Variants in ERICH1 observed in about 807,000 individuals in gnomAD.
ERICH1 encodes the protein glutamate rich 1, also known as glutamate-rich protein 1.
Under a neutral mutation model 39.6 loss-of-function variants are expected in ERICH1, and 56 were observed. That is an observed-to-expected ratio of 1.41 (90% CI 1.14 to 1.77). The LOEUF (loss-of-function observed/expected upper bound fraction) is 1.77, where lower values mean the gene tolerates loss of function less well. Ranked by LOEUF, ERICH1 falls within the 40% of genes most tolerant of loss-of-function variation. The pLI is 0.00. For missense variants in ERICH1, 826 were observed against 575.4 expected (o/e 1.44, Z -4.45); for synonymous variants, 313 against 223.6 (o/e 1.40, Z -3.57).
intron 1 of ERICH1, among the ~76,000 whole-genome samples, chr8:723,200 T>C (rs1482572559): frequency 3.3e-5 from 5 of 152,306 alleles, no homozygotes; most frequent in South Asian, 2.1e-4. Context: ...GAGTGGAAGC[T>C]TCCCGACGGG....
chr8:668,417 T>C (rs954826944), intron 5 of ERICH1, 181 bp downstream of exon 5: 3 of 637,168 alleles, frequency 4.7e-6, no homozygotes, highest in Middle Eastern at 2.5e-4. Context: ...ATGTGAAATA[T>C]TTTTATATCA....
rs184037995 is a variant in ERICH1 at position 647,024 on chromosome 8, G to A, written c.976+21574C>T. On this transcript the variant is annotated intron_variant, in intron 3 of 3. Coordinates refer to the ERICH1 transcript ENST00000522706. ...CTCATTTAATCCTTCTCAAAATCCC[G>A]TGAGGGTGAGCATCATCCCAGTGTT... Among the ~76,000 whole-genome samples, 59 of 69,868 alleles carry A rather than the reference G, an allele frequency of 8.4e-4. 18 individuals are homozygous for A. In the East Asian group the frequency reaches 0.011, roughly 13 times the overall value. The allele number at this position is 69,868 out of a possible 152,430, so 45.8% of individuals were successfully genotyped here.
intron 3 of ERICH1, among the ~76,000 whole-genome samples, chr8:677,249 C>T (rs1805057809): frequency 6.6e-6 from 1 of 152,248 alleles, no homozygotes; most frequent in African/African-American, 2.4e-5. Context: ...CACCAGCCTC[C>T]CCTCTTCATT....
chr8:636,115 C>T (rs1798414864), intron 3 of ERICH1, among the ~76,000 whole-genome samples: 1 of 152,236 alleles, frequency 6.6e-6, no homozygotes, highest in African/African-American at 2.4e-5. Context: ...GGAAAACACT[C>T]AGCCTGGGGC....
At chr8:630,140 T>A (rs1385121841) in intron 3 of ERICH1, among the ~76,000 whole-genome samples, 23 of 95,872 alleles carry the variant, frequency 2.4e-4, no homozygotes, top group East Asian at 3.9e-4. Context: ...CAGAGCTGAC[T>A]CACACCCTCC....
intron 1 of ERICH1, among the ~76,000 whole-genome samples, chr8:716,307 C>G (rs1815983853): frequency 1.3e-5 from 2 of 152,264 alleles, no homozygotes; most frequent in Non-Finnish European, 2.9e-5. Context: ...CTGCCTCTGG[C>G]TGCAGGTCCC....
rs1320172062 is a variant in ERICH1 at position 664,623 on chromosome 8, G to T, written c.1312C>A (p.Pro438Thr). The part of the protein sequence containing the change: ...FFSYWITHIL[P>T]EKSSD ...CCATTTTAGTCACTGCTCTTCTCAG[G>T]AAGGATATGTGTGATCCAGTAACTA... Residue 438 changes from proline to threonine, a missense_variant, in exon 6 of 6, where the codon CCT becomes ACT. Transcript: ENST00000262109. The T allele has an allele frequency of 1.2e-6, 2 of 1,611,968 alleles. No individual in the cohort carries two copies. The highest frequency in any genetic ancestry group is 1.7e-5 in the Admixed American group (1 of 59,798).
intron 2 of ERICH1, among the ~76,000 whole-genome samples, chr8:710,503 C>T (rs368233049): frequency 1.3e-5 from 2 of 150,936 alleles, no homozygotes; most frequent in East Asian, 2.0e-4. Context: ...TCGTACGGGG[C>T]GGTTTCACCG....
chr8:688,205 AG>A lies in ERICH1; in HGVS notation c.304+4272del, dbSNP rs568419754. On this transcript the variant is annotated intron_variant, in intron 3 of 5. Transcript: ENST00000262109. Reference sequence around the variant, plus strand: ...GGCGCAGGACACGGCAAGGCCCCTGAGCCGCCCACGCAGGTTTCCCGACGTT... The same window carrying A: ...GGCGCAGGACACGGCAAGGCCCCTGACCGCCCACGCAGGTTTCCCGACGTT... Among the ~76,000 whole-genome samples, 238 of 142,598 alleles carry A rather than the reference AG, an allele frequency of 1.7e-3. 1 individual carries two copies. The highest frequency in any genetic ancestry group is 6.2e-3 in the African/African-American group (229 of 36,908). The allele number at this position is 142,598 out of a possible 152,430, so 93.5% of individuals were successfully genotyped here.
chr8:673,577 T>A lies in ERICH1; in HGVS notation c.775A>T (p.Thr259Ser). Residue 259 changes from threonine (T) to serine (S), a missense_variant, in exon 4 of 6, where the codon ACA becomes TCA. Coordinates refer to ENST00000262109, the MANE Select transcript of ERICH1 (RefSeq NM_207332.3). Reference protein sequence around the residue: ...EGADASEEDPTPAGEEDVKDA... With the variant: ...EGADASEEDPSPAGEEDVKDA... ...TTAACGTCTTCCTCCCCGGCCGGTG[T>A]CGGATCTTCCTCACTGGCGTCCGCA... is the stretch of plus-strand genomic sequence containing the variant. The A allele has an allele frequency of 6.4e-7, 1 of 1,552,592 alleles. No individual in the cohort carries two copies. Among genetic ancestry groups the A allele is most frequent in the Non-Finnish European group, 8.8e-7 (1 of 1,132,384 alleles).
intron 5 of ERICH1, chr8:666,712 T>G (rs1013437913): frequency 6.6e-6 from 1 of 152,480 alleles, no homozygotes; most frequent in East Asian, 1.9e-4. Context: ...GACTGGCACC[T>G]GCATAGCTGC....
chr8:634,165 A>C, intron 3 of ERICH1, among the ~76,000 whole-genome samples: 1 of 120,634 alleles, frequency 8.3e-6, no homozygotes, highest in Non-Finnish European at 1.7e-5. Context: ...AACTCCTAAA[A>C]CTCAAAAAAA....
At chr8:650,941 G>C (rs554919596) in intron 3 of ERICH1, among the ~76,000 whole-genome samples, 1 of 152,172 alleles carries the variant, frequency 6.6e-6, no homozygotes, top group Admixed American at 6.5e-5. Flanking sequence ...TCACCAAGGC[G>C]GTGTATAAAC....
At position 673,396 on chromosome 8, in the gene ERICH1, T is replaced by A; in HGVS notation, c.956A>T (p.Glu319Val). The part of the protein sequence containing the change: ...AGEEEGADSG[E>V]EDGADASEED... ...CTCGCTGGCGTCTGCACCGTCCTCCTCCCCGGAGTCTGCACCCTCTTCCTC... is the reference window on the plus strand; with the variant it reads ...CTCGCTGGCGTCTGCACCGTCCTCCACCCCGGAGTCTGCACCCTCTTCCTC... Residue 319 changes from glutamate to valine, a missense_variant, in exon 4 of 6, where the codon GAG (glutamate) becomes GTG (valine). By Grantham distance (121) the Glu-to-Val change is moderately radical. Transcript: ENST00000262109. 11 of 1,614,106 alleles carry A rather than the reference T, an allele frequency of 6.8e-6. No homozygotes were observed. The highest frequency in any genetic ancestry group is 8.5e-6 in the Non-Finnish European group (10 of 1,179,984).
chr8:679,472 C>G (rs1332878427), intron 3 of ERICH1, among the ~76,000 whole-genome samples: 1 of 151,760 alleles, frequency 6.6e-6, no homozygotes. Flanking sequence ...CCACCCCTCG[C>G]AGCTCTGTGA....
At chr8:689,745 G>A (rs1300377199) in intron 3 of ERICH1, among the ~76,000 whole-genome samples, 1 of 152,136 alleles carries the variant, frequency 6.6e-6, no homozygotes, top group Non-Finnish European at 1.5e-5. Context: ...GTGGTCAGCT[G>A]GGTCCAGAGT....
At chr8:681,033 T>C (rs1806002301) in intron 3 of ERICH1, among the ~76,000 whole-genome samples, 1 of 152,340 alleles carries the variant, frequency 6.6e-6, no homozygotes, top group South Asian at 2.1e-4. Flanking sequence ...CTGCACACTT[T>C]GAACATCAGT....
chr8:719,988 T>C (rs1206614531), intron 1 of ERICH1, among the ~76,000 whole-genome samples: 1 of 151,844 alleles, frequency 6.6e-6, no homozygotes, highest in Non-Finnish European at 1.5e-5. Flanking sequence ...TCATCTTGTA[T>C]TTTCTCTGCC....
chr8:627,056 C>T (rs1223576791), intron 3 of ERICH1: 2 of 451,474 alleles, frequency 4.4e-6, no homozygotes, highest in South Asian at 1.6e-5. Context: ...GAGGGCCAGG[C>T]TTCCGTGCTC....
Sources: gnomAD v4.1 joint callset for allele counts (sites outside exome capture counted in the v4.1 genomes callset) on GRCh38, gnomAD v4.1.1 for gene constraint, MANE v1.5 for transcripts, NCBI Gene and HGNC (gene_info 2026-07-23, HGNC 2026-07-21) for gene names.